The following TMEM51 variants were observed in gnomAD, a reference collection of about 807,000 sequenced individuals.
The protein encoded by TMEM51 is chromosome 1 open reading frame 72.
Under a neutral mutation model 13.6 loss-of-function variants are expected in TMEM51, and 8 were observed. That is an observed-to-expected ratio of 0.59 (90% confidence interval 0.35 to 1.07). The LOEUF (loss-of-function observed/expected upper bound fraction) is 1.07. Ranked by LOEUF, TMEM51 falls within the 50% of genes least tolerant of loss-of-function variation. The pLI is 0.02. For synonymous variants in TMEM51, 147 were observed against 144.4 expected, an observed-to-expected ratio of 1.02 and a Z score of -0.13; for missense variants, 279 against 330.7, an observed-to-expected ratio of 0.84 and a Z score of 1.21.
chr1:15,160,633 C>A (rs1642745722), intron 1 of TMEM51, among the ~76,000 whole-genome samples: 1 of 152,068 alleles, frequency 6.6e-6, no homozygotes, highest in Non-Finnish European at 1.5e-5. Flanking sequence ...CCATAAGAGG[C>A]CTCACATACA....
At chr1:15,184,315 A>G (rs2006023) in intron 1 of TMEM51, among the ~76,000 whole-genome samples, 84,323 of 151,708 alleles carry the variant, frequency 0.56, 24,664 homozygotes, top group East Asian at 0.9. Flanking sequence ...GTGAACCACC[A>G]CGCCTGGCCT....
chr1:15,215,800 G>A (rs1196874652), intron 3 of TMEM51, among the ~76,000 whole-genome samples: 2 of 152,206 alleles, frequency 1.3e-5, no homozygotes, highest in African/African-American at 4.8e-5. Context: ...GCCGAGGCAG[G>A]TGGATCACTT....
At chr1:15,155,510 A>G (rs1642560791) in intron 1 of TMEM51, among the ~76,000 whole-genome samples, 1 of 152,254 alleles carries the variant, frequency 6.6e-6, no homozygotes, top group Non-Finnish European at 1.5e-5. Flanking sequence ...TTAGACGAGA[A>G]CAGAAGAAAG....
At chr1:15,212,902 T>C (rs1158610300) in intron 2 of TMEM51, among the ~76,000 whole-genome samples, 9 of 152,266 alleles carry the variant, frequency 5.9e-5, no homozygotes, top group Non-Finnish European at 2.9e-5. Flanking sequence ...CATGCCCCAG[T>C]GTGCCTTGGT....
At position 15,192,470 on chromosome 1, in the gene TMEM51, T is replaced by TTTTTTTTTTTTTTTTTTTTTTTTTTA. The variant is rs3078880; in HGVS notation, c.-266-18020_-266-18019insTTTTTTTTTTTTTTTTTTTTTTTTTA. The TTTTTTTTTTTTTTTTTTTTTTTTTTA allele has an allele frequency of 4.4e-4, 110 of 250,796 alleles. 7 individuals carry two copies. The highest frequency in any genetic ancestry group is 7.8e-4 in the Admixed American group (14 of 17,884). 15.5% of individuals were successfully genotyped at this position (250,796 alleles called of 1,614,324 possible). Reference sequence around the variant, plus strand: ...TCTTTCTTTTCTTTTCCTTTTTTTTTATGACAGAATCTTGCTCTGCTGCCC... The same window carrying TTTTTTTTTTTTTTTTTTTTTTTTTTA: ...TCTTTCTTTTCTTTTCCTTTTTTTTTTTTTTTTTTTTTTTTTTTTTTTTTTAATGACAGAATCTTGCTCTGCTGCCC... On this transcript the variant is annotated intron_variant, in intron 1 of 3. Coordinates refer to ENST00000376008, the MANE Select transcript of TMEM51 (RefSeq NM_001136218.2).
chr1:15,189,412 C>G (rs911790120), intron 1 of TMEM51, among the ~76,000 whole-genome samples: 14 of 152,048 alleles, frequency 9.2e-5, no homozygotes, highest in Non-Finnish European at 1.9e-4. Flanking sequence ...TCTCCAGGCT[C>G]AGGAAGCAGT....
intron 1 of TMEM51, among the ~76,000 whole-genome samples, chr1:15,179,643 G>T (rs189721837): frequency 1.3e-5 from 2 of 152,048 alleles, no homozygotes; most frequent in Non-Finnish European, 2.9e-5. Flanking sequence ...ATTAGCGGGC[G>T]TGGTGGCGCA....
chr1:15,172,864 G>A lies in TMEM51; in HGVS notation c.-267+18910G>A, dbSNP rs112982813. On this transcript the variant is annotated intron_variant, in intron 1 of 3. Transcript: ENST00000376008. Reference sequence around the variant, plus strand: ...CTTTGTCCAGCAGATGGGTGCTGTCGACACTACCTGCTCATTGGTCACTTA... The same window carrying A: ...CTTTGTCCAGCAGATGGGTGCTGTCAACACTACCTGCTCATTGGTCACTTA... Among the ~76,000 whole-genome samples the A allele has an allele frequency of 7.6e-3, 1,156 of 152,258 alleles. 6 individuals carry two copies. Among genetic ancestry groups the A allele is most frequent in the Non-Finnish European group, 0.01 (688 of 68,012 alleles).
chr1:15,193,827 G>A (rs1337987536), intron 1 of TMEM51, among the ~76,000 whole-genome samples: 2 of 152,232 alleles, frequency 1.3e-5, no homozygotes, highest in East Asian at 3.8e-4. Context: ...AGAGTGCTGG[G>A]ATTACAGGCG....
At chr1:15,174,077 C>G (rs1037346881) in intron 1 of TMEM51, among the ~76,000 whole-genome samples, 1 of 152,090 alleles carries the variant, frequency 6.6e-6, no homozygotes, top group African/African-American at 2.4e-5. Flanking sequence ...TTTTGCAGTT[C>G]CGCTGGAAGG....
intron 1 of TMEM51, among the ~76,000 whole-genome samples, chr1:15,172,116 C>T (rs1291687684): frequency 6.6e-6 from 1 of 152,174 alleles, no homozygotes; most frequent in African/African-American, 2.4e-5. Context: ...GTGGCTCACA[C>T]CTGTAATCCC....
At chr1:15,155,221 A>T (rs1642547961) in intron 1 of TMEM51, among the ~76,000 whole-genome samples, 2 of 150,726 alleles carry the variant, frequency 1.3e-5, no homozygotes, top group Non-Finnish European at 3.0e-5. Context: ...ACGGCTTCGG[A>T]GCTGACAGCT....
chr1:15,163,214 G>A (rs1557830848), intron 1 of TMEM51, among the ~76,000 whole-genome samples: 1 of 151,990 alleles, frequency 6.6e-6, no homozygotes, highest in East Asian at 1.9e-4. Context: ...CAGCAGGGAG[G>A]AGTCAGTCAA....
chr1:15,184,478 G>A (rs1452638366), intron 1 of TMEM51, among the ~76,000 whole-genome samples: 1 of 152,172 alleles, frequency 6.6e-6, no homozygotes. Context: ...TTATTCTCAG[G>A]ATAGTAGGAA....
intron 1 of TMEM51, among the ~76,000 whole-genome samples, chr1:15,173,195 G>A (rs1215020312): frequency 1.3e-5 from 2 of 150,258 alleles, no homozygotes; most frequent in East Asian, 3.9e-4. Context: ...AGGAATCTGG[G>A]GTTTAACCTG....
intron 1 of TMEM51, among the ~76,000 whole-genome samples, chr1:15,163,640 T>TTTTTTTTTTTTGAGAC (rs1553197697): frequency 5.7e-4 from 86 of 150,290 alleles, no homozygotes; most frequent in Non-Finnish European, 8.7e-4. Flanking sequence ...TTATTTTTTG[T>TTTTTTTTTTTTGAGAC]AATAATAGCA....
At chr1:15,178,370 C>T (rs1418179673) in intron 1 of TMEM51, among the ~76,000 whole-genome samples, 2 of 152,164 alleles carry the variant, frequency 1.3e-5, no homozygotes, top group East Asian at 1.9e-4. Flanking sequence ...TGGGTCCACA[C>T]CCCAGGATGA....
At chr1:15,152,581 C>T (rs1373774119), upstream of TMEM51, 1 of 152,536 alleles carries the variant, frequency 6.6e-6, no homozygotes, top group Non-Finnish European at 1.5e-5. Flanking sequence ...GCTGGACGCT[C>T]ACCCAAGAAG....
At chr1:15,209,860 G>A (rs572952564) in intron 1 of TMEM51, among the ~76,000 whole-genome samples, 6 of 152,224 alleles carry the variant, frequency 3.9e-5, no homozygotes, top group African/African-American at 9.6e-5. Flanking sequence ...GTGAAACCCC[G>A]TCTCTACTAA....
Sources: gnomAD v4.1 joint callset for allele counts (sites outside exome capture counted in the v4.1 genomes callset) on GRCh38, gnomAD v4.1.1 for gene constraint, MANE v1.5 for transcripts, NCBI Gene and HGNC (gene_info 2026-07-23, HGNC 2026-07-21) for gene names.